The following TRIM33 variants were observed in gnomAD, a reference collection of about 807,000 sequenced individuals.
TRIM33 encodes the protein E3 ubiquitin-protein ligase TRIM33.
Under a neutral mutation model 125.4 loss-of-function variants are expected in TRIM33, and 20 were observed. The observed-to-expected ratio is 0.16, with a 90% confidence interval of 0.11 to 0.23. The LOEUF (loss-of-function observed/expected upper bound fraction) is 0.23. TRIM33 is among the 10% of genes least tolerant of loss of function. TRIM33 has a pLI of 1.00. For synonymous variants in TRIM33, 564 were observed against 513.9 expected, an observed-to-expected ratio of 1.10 and a Z score of -1.32; for missense variants, 920 against 1,411.4, an observed-to-expected ratio of 0.65 and a Z score of 5.58.
rs373675604 is a variant in TRIM33, at chr1:114,397,588, TG to T, written c.*59del. The T allele has an allele frequency of 1.0e-4, 110 of 1,095,190 alleles. 1 individual carries two copies. In the South Asian group the frequency reaches 1.2e-3, roughly 12 times the overall value. The allele number at this position is 1,095,190 out of a possible 1,614,324, so 67.8% of individuals were successfully genotyped here. A position where few individuals can be genotyped will look rare whatever the true frequency, so the allele number is the denominator to read the frequency against. On this transcript the variant is annotated 3_prime_UTR_variant, in exon 20 of 20. Transcript: ENST00000358465. The stretch of plus-strand genomic sequence containing the variant: ...ACTTAAAAGTTTTCTGGGTTTTTTG[TG>T]TTTTTTTTTTTTTTTTCGTTTTTTT...
chr1:114,511,029 G>T lies in TRIM33; in HGVS notation c.48C>A (p.Gly16=). Residue 16 remains glycine (G), a synonymous_variant, in exon 1 of 20, where the codon GGC becomes GGA. Coordinates refer to ENST00000358465, the MANE Select transcript of TRIM33 (RefSeq NM_015906.4). ...CGGCAGTTACCGGCGCGCTGCCGCT[G>T]CCCCCGCCGCCGCTCTCAGCCTCGC... The part of the protein sequence containing the change: ...GGGEAESGGG[G]SGSAPVTAGA... 7.6e-7 allele frequency: 1 copy of T among 1,317,246 alleles called. No individual in the cohort carries two copies. The highest frequency in any genetic ancestry group is 1.8e-5 in the South Asian group (1 of 54,386). 81.6% of individuals were successfully genotyped at this position (1,317,246 alleles called of 1,614,324 possible).
At chr1:114,438,810 C>A (rs972060426) in intron 4 of TRIM33, among the ~76,000 whole-genome samples, 20 of 152,180 alleles carry the variant, frequency 1.3e-4, no homozygotes, top group Non-Finnish European at 2.6e-4. Context: ...CTTGCTATCA[C>A]TGTTATTCTT....
chr1:114,484,203 GA>G (rs1199234299), intron 1 of TRIM33, among the ~76,000 whole-genome samples: 1 of 152,148 alleles, frequency 6.6e-6, no homozygotes, highest in African/African-American at 2.4e-5. Flanking sequence ...TAATAAAGAT[GA>G]GATAGTCAGC....
At chr1:114,435,877 C>CTTTTTTTT (rs34327766) in intron 4 of TRIM33, among the ~76,000 whole-genome samples, 32 of 73,318 alleles carry the variant, frequency 4.4e-4, no homozygotes, top group African/African-American at 1.7e-3. Context: ...TAGACACCCG[C>CTTTTTTTT]TTTTTTTTTT....
At chr1:114,499,363 G>C (rs1227787552) in intron 1 of TRIM33, among the ~76,000 whole-genome samples, 1 of 151,494 alleles carries the variant, frequency 6.6e-6, no homozygotes, top group Non-Finnish European at 1.5e-5. Context: ...TACAACCTCA[G>C]TTATTAGGGT....
intron 4 of TRIM33, among the ~76,000 whole-genome samples, chr1:114,459,371 G>A (rs956673418): frequency 5.3e-5 from 8 of 152,186 alleles, no homozygotes; most frequent in African/African-American, 1.7e-4. Flanking sequence ...TACTGAACAC[G>A]TGGAGGATAA....
intron 1 of TRIM33, among the ~76,000 whole-genome samples, chr1:114,482,218 C>T (rs1246736689): frequency 2.0e-5 from 3 of 152,104 alleles, no homozygotes; most frequent in African/African-American, 7.2e-5. Context: ...TTAGGTACCA[C>T]ATTTAACACC....
chr1:114,465,243 T>A (rs918588822), intron 1 of TRIM33, among the ~76,000 whole-genome samples: 3 of 152,146 alleles, frequency 2.0e-5, no homozygotes, highest in Non-Finnish European at 4.4e-5. Context: ...AGGTAACACA[T>A]AGAGGCTAAA....
intron 1 of TRIM33, among the ~76,000 whole-genome samples, chr1:114,500,709 A>G (rs1652656100): frequency 6.6e-6 from 1 of 152,036 alleles, no homozygotes; most frequent in South Asian, 2.1e-4. Flanking sequence ...TAATGAACAA[A>G]ACTTACTGCT....
In TRIM33 at chr1:114,511,151, CCAGCCG is replaced by C. The variant is rs1213477924; in HGVS notation, c.-81_-76del. The stretch of plus-strand genomic sequence containing the variant: ...GTCGCCGCCGCCGCCGCCCCCAGCC[CCAGCCG>C]CAGCCGCAGCAAGAGCGGCAGCCGA... On this transcript the variant is annotated 5_prime_UTR_variant, in exon 1 of 20. Transcript: ENST00000358465. The C allele has an allele frequency of 9.4e-7, 1 of 1,060,990 alleles. No individual in the cohort carries two copies. The highest frequency in any genetic ancestry group is 4.4e-5 in the South Asian group (1 of 22,886). The allele number at this position is 1,060,990 out of a possible 1,614,324, so 65.7% of individuals were successfully genotyped here. A position where few individuals can be genotyped will look rare whatever the true frequency, so the allele number is the denominator to read the frequency against.
chr1:114,437,685 C>T (rs976040946), intron 4 of TRIM33, among the ~76,000 whole-genome samples: 2 of 152,112 alleles, frequency 1.3e-5, no homozygotes, highest in Non-Finnish European at 2.9e-5. Flanking sequence ...AACTATTCTC[C>T]ATATTTCAAA....
Position 114,420,562 on chromosome 1 carries a change from T to C in TRIM33, c.2061+874A>G, listed in dbSNP as rs146531802. The stretch of plus-strand genomic sequence containing the variant: ...CCATAATTTGCTATTCATACGACCT[T>C]CAATTCCCCAGAACTTTAAAATATT... On this transcript the variant is annotated intron_variant, in intron 11 of 19. Coordinates refer to ENST00000358465, the MANE Select transcript of TRIM33 (RefSeq NM_015906.4). The C allele has an allele frequency of 1.3e-3, 686 of 522,542 alleles. 3 individuals are homozygous for C. The highest frequency in any genetic ancestry group is 0.012 in the African/African-American group (627 of 51,008). 32.4% of individuals were successfully genotyped at this position (522,542 alleles called of 1,614,324 possible).
At chr1:114,493,593 T>C (rs1241964240) in intron 1 of TRIM33, among the ~76,000 whole-genome samples, 4 of 152,168 alleles carry the variant, frequency 2.6e-5, no homozygotes, top group Non-Finnish European at 4.4e-5. Context: ...CCTGTTGATA[T>C]ATTTTGAGTT....
At chr1:114,423,730 TG>T (rs1252214115) in intron 10 of TRIM33, among the ~76,000 whole-genome samples, 2 of 152,128 alleles carry the variant, frequency 1.3e-5, no homozygotes, top group African/African-American at 4.8e-5. Flanking sequence ...AAGCTCTTTC[TG>T]GGCGTACATG....
intron 1 of TRIM33, among the ~76,000 whole-genome samples, chr1:114,466,029 A>G (rs927731197): frequency 5.9e-5 from 9 of 151,630 alleles, no homozygotes; most frequent in African/African-American, 2.2e-4. Flanking sequence ...GGCGACAGAG[A>G]GACTCGGTCT....
intron 1 of TRIM33, among the ~76,000 whole-genome samples, chr1:114,471,481 T>C (rs1031518417): frequency 2.0e-5 from 3 of 146,656 alleles, no homozygotes; most frequent in African/African-American, 7.5e-5. Context: ...TAAATTTAAA[T>C]AAACACAATT....
chr1:114,496,654 T>G (rs1041204051), intron 1 of TRIM33, among the ~76,000 whole-genome samples: 4 of 152,218 alleles, frequency 2.6e-5, no homozygotes, highest in Non-Finnish European at 5.9e-5. Flanking sequence ...TAATTTTTTT[T>G]GTAATACAGG....
At position 114,458,485 on chromosome 1, in the gene TRIM33, G is replaced by A. The variant is rs557899010; in HGVS notation, c.923+4619C>T. Among the ~76,000 whole-genome samples the A allele has an allele frequency of 6.6e-5, 10 of 152,288 alleles. No homozygotes were observed. In the South Asian group the frequency reaches 2.1e-3, roughly 32 times the overall value. On this transcript the variant is annotated intron_variant, in intron 4 of 19. Transcript: ENST00000358465. ...GTCCTGTGACCCCTACTCAGGAAGTGACTCAGCATAACTCACTGCACAAAG... is the reference window on the plus strand; with the variant it reads ...GTCCTGTGACCCCTACTCAGGAAGTAACTCAGCATAACTCACTGCACAAAG...
In TRIM33 at chr1:114,467,332, A is replaced by G. The variant is rs543880876; in HGVS notation, c.527-2944T>C. On this transcript the variant is annotated intron_variant, in intron 1 of 19. Coordinates refer to ENST00000358465, the MANE Select transcript of TRIM33 (RefSeq NM_015906.4). ...GTGTGGGTAATGCATAGATAATTACATAACTACTCAAAATGAGGAAAAAGT... is the reference window on the plus strand; with the variant it reads ...GTGTGGGTAATGCATAGATAATTACGTAACTACTCAAAATGAGGAAAAAGT... 3.3e-5 allele frequency among the ~76,000 whole-genome samples: 5 copies of G among 152,312 alleles called. No individual in the cohort carries two copies. The South Asian group carries it at 8.3e-4, about 25-fold the overall frequency.
Sources: gnomAD v4.1 joint callset for allele counts (sites outside exome capture counted in the v4.1 genomes callset) on GRCh38, gnomAD v4.1.1 for gene constraint, MANE v1.5 for transcripts, NCBI Gene and HGNC (gene_info 2026-07-23, HGNC 2026-07-21) for gene names.